The following ADGRB3 variants were observed in gnomAD, a reference collection of about 807,000 sequenced individuals.
ADGRB3 encodes the protein adhesion G protein-coupled receptor B3.
Under a neutral mutation model 193.4 loss-of-function variants are expected in ADGRB3, and 37 were observed. The observed-to-expected ratio is 0.19, with a 90% confidence interval of 0.15 to 0.25. The LOEUF is 0.25. ADGRB3 is among the 10% of genes least tolerant of loss of function. The pLI, the probability that ADGRB3 is intolerant of heterozygous loss-of-function variation, is 1.00. For synonymous variants in ADGRB3, 690 were observed against 644.2 expected (o/e 1.07, Z -1.08); for missense variants, 1,637 against 1,852.9 (o/e 0.88, Z 2.14).
At chr6:68,732,278 C>A (rs985986199) in intron 3 of ADGRB3, among the ~76,000 whole-genome samples, 4 of 151,576 alleles carry the variant, frequency 2.6e-5, no homozygotes, top group African/African-American at 9.7e-5. Flanking sequence ...AAGTATTAAG[C>A]CTCATACCCA....
At chr6:69,001,261 A>C (rs1245047277) in intron 11 of ADGRB3, among the ~76,000 whole-genome samples, 1 of 152,240 alleles carries the variant, frequency 6.6e-6, no homozygotes, top group Non-Finnish European at 1.5e-5. Flanking sequence ...TAAGAATGGC[A>C]TGTCCATTAG....
At chr6:69,093,204 A>C (rs985994646) in intron 17 of ADGRB3, among the ~76,000 whole-genome samples, 1 of 150,104 alleles carries the variant, frequency 6.7e-6, no homozygotes, top group Non-Finnish European at 1.5e-5. Flanking sequence ...AGGGTGGGCA[A>C]AACAGGCTAA....
At chr6:69,153,580 A>T (rs1774740982) in intron 17 of ADGRB3, among the ~76,000 whole-genome samples, 1 of 152,182 alleles carries the variant, frequency 6.6e-6, no homozygotes, top group Non-Finnish European at 1.5e-5. Flanking sequence ...AGAAAAGTTC[A>T]TCAAGCTTAA....
intron 3 of ADGRB3, among the ~76,000 whole-genome samples, chr6:68,868,407 T>C (rs183010807): frequency 4.6e-4 from 70 of 152,322 alleles, no homozygotes; most frequent in East Asian, 1.5e-3. Flanking sequence ...CTTTTCTTTA[T>C]ACATTACCCA....
At chr6:69,381,834 G>A (rs1222712432) in intron 30 of ADGRB3, among the ~76,000 whole-genome samples, 1 of 151,798 alleles carries the variant, frequency 6.6e-6, no homozygotes, top group Non-Finnish European at 1.5e-5. Context: ...TAAGTTATGA[G>A]GCATATGCTT....
At chr6:69,100,901 GAAGC>G (rs1562159507) in intron 17 of ADGRB3, among the ~76,000 whole-genome samples, 3 of 72,104 alleles carry the variant, frequency 4.2e-5, no homozygotes, top group South Asian at 4.7e-4. Context: ...AAGGAAGGAA[GAAGC>G]GAGGGAGGGA....
intron 3 of ADGRB3, among the ~76,000 whole-genome samples, chr6:68,753,858 AT>A (rs1219096023): frequency 5.9e-5 from 9 of 152,030 alleles, no homozygotes; most frequent in Non-Finnish European, 1.3e-4. Context: ...CCCAGTTGAA[AT>A]TTTTTTTCTA....
At chr6:69,232,611 T>G in intron 17 of ADGRB3, 1 of 1,535,590 alleles carries the variant, frequency 6.5e-7, no homozygotes, top group Non-Finnish European at 8.7e-7. Context: ...CTGAGTGAAG[T>G]GTGGAGTAGG....
At chr6:68,897,579 A>AG (rs1355465072) in intron 3 of ADGRB3, among the ~76,000 whole-genome samples, 40 of 48,112 alleles carry the variant, frequency 8.3e-4, no homozygotes, top group African/African-American at 3.4e-3. Context: ...ACAAGAAAGA[A>AG]GGAAGGGAGG....
chr6:68,863,601 T>C (rs1323245175), intron 3 of ADGRB3, among the ~76,000 whole-genome samples: 2 of 152,248 alleles, frequency 1.3e-5, no homozygotes, highest in East Asian at 3.9e-4. Context: ...AAAAACTGTA[T>C]GTCCAAGTAC....
intron 17 of ADGRB3, among the ~76,000 whole-genome samples, chr6:69,219,420 G>A (rs1467408460): frequency 7.2e-6 from 1 of 139,576 alleles, no homozygotes; most frequent in African/African-American, 2.6e-5. Flanking sequence ...AACTAAATAT[G>A]CTAGACATTT....
chr6:68,804,046 T>C (rs1767359793), intron 3 of ADGRB3, among the ~76,000 whole-genome samples: 1 of 152,164 alleles, frequency 6.6e-6, no homozygotes, highest in Admixed American at 6.5e-5. Context: ...TCCTAGGAGC[T>C]CAAGGTCTAA....
At chr6:68,767,924 T>C (rs1211947496) in intron 3 of ADGRB3, among the ~76,000 whole-genome samples, 4 of 152,142 alleles carry the variant, frequency 2.6e-5, no homozygotes, top group African/African-American at 4.8e-5. Flanking sequence ...AAATCATAAG[T>C]GAACTCCCAT....
In ADGRB3 at chr6:69,192,959, A is replaced by G. The variant is rs1765223921; in HGVS notation, c.2481-40331A>G. 2.6e-5 allele frequency among the ~76,000 whole-genome samples: 4 copies of G among 152,190 alleles called. No individual in the cohort carries two copies. The South Asian group carries it at 8.3e-4, about 32-fold the overall frequency. On this transcript the variant is annotated intron_variant, in intron 17 of 31. Transcript: ENST00000370598. The stretch of plus-strand genomic sequence containing the variant: ...GAAACATAAACTTGGCCAAGTTATT[A>G]TTTTCCTAGGAGTTTTATATATAGG...
rs375294726 is a variant in ADGRB3, at chr6:69,245,734, C to T, written c.2814+6508C>T. Among the ~76,000 whole-genome samples, 3 of 152,150 alleles carry T rather than the reference C, an allele frequency of 2.0e-5. No homozygotes were observed. The East Asian group carries it at 5.8e-4, about 29-fold the overall frequency. On this transcript the variant is annotated intron_variant, in intron 20 of 31. Coordinates refer to ENST00000370598, the MANE Select transcript of ADGRB3 (RefSeq NM_001704.3). The stretch of plus-strand genomic sequence containing the variant: ...ATGAGTTTTCCCATTAGAGAAAACC[C>T]TGCTTATGCACACCTGCTCTGGGTT...
At chr6:69,297,398 CTCTCTCTCTCTCTATA>C (rs1561980472) in intron 20 of ADGRB3, among the ~76,000 whole-genome samples, 1 of 141,444 alleles carries the variant, frequency 7.1e-6, no homozygotes, top group Non-Finnish European at 1.5e-5. Flanking sequence ...CTCTATCTCT[CTCTCTCTCTCTCTATA>C]TATATATATA....
intron 3 of ADGRB3, among the ~76,000 whole-genome samples, chr6:68,883,153 T>C (rs184812955): frequency 6.6e-5 from 10 of 152,292 alleles, no homozygotes; most frequent in African/African-American, 1.7e-4. Context: ...GCACCCTGTC[T>C]ATCTCAAGGT....
intron 3 of ADGRB3, among the ~76,000 whole-genome samples, chr6:68,757,757 A>G (rs1582176723): frequency 6.6e-6 from 1 of 152,084 alleles, no homozygotes; most frequent in Non-Finnish European, 1.5e-5. Context: ...TAATACCCAT[A>G]TCTTATTGTG....
At chr6:68,800,467 T>C (rs1025277693) in intron 3 of ADGRB3, among the ~76,000 whole-genome samples, 1 of 152,046 alleles carries the variant, frequency 6.6e-6, no homozygotes, top group South Asian at 2.1e-4. Context: ...TATATTTAGA[T>C]GAGATCTCCT....
Sources: gnomAD v4.1 joint callset for allele counts (sites outside exome capture counted in the v4.1 genomes callset) on GRCh38, gnomAD v4.1.1 for gene constraint, MANE v1.5 for transcripts, NCBI Gene and HGNC (gene_info 2026-07-23, HGNC 2026-07-21) for gene names.